MALT1: variants seen among roughly 807,000 people sequenced by gnomAD.
MALT1 encodes the protein MALT1 paracaspase, also known as mucosa-associated lymphoid tissue lymphoma translocation protein 1.
A neutral mutation model predicts 85.5 loss-of-function variants in MALT1; 36 were observed. That is an observed-to-expected ratio of 0.42 (90% confidence interval 0.32 to 0.56). The LOEUF (loss-of-function observed/expected upper bound fraction) is 0.56. MALT1 is among the 20% of genes least tolerant of loss of function. The pLI is 0.10. For missense variants in MALT1, 716 were observed against 981.6 expected (o/e 0.73, Z 3.62); for synonymous variants, 359 against 361.3 (o/e 0.99, Z 0.07).
At position 58,753,706 on chromosome 18, in the gene MALT1, T is replaced by C. The variant is rs1040490454; in HGVS notation, c.*5864T>C. 16 of 152,246 alleles carry C rather than the reference T, an allele frequency of 1.1e-4. No individual in the cohort carries two copies. Among genetic ancestry groups the C allele is most frequent in the African/African-American group, 3.4e-4 (14 of 41,464 alleles). The allele number at this position is 152,246 out of a possible 1,614,324, so 9.4% of individuals were successfully genotyped here. The stretch of plus-strand genomic sequence containing the variant: ...CTTGTTTACCTGTGTCTTGCAGATT[T>C]TACACAGTGAACAATGACTGTATAA... On this transcript the variant is annotated 3_prime_UTR_variant, in exon 17 of 17. Transcript: ENST00000649217.
rs368696986 is a variant in MALT1 at position 58,747,539 on chromosome 18, G to T, written c.2172G>T (p.Lys724Asn). The change falls in exon 17 of 17, where the codon AAG (lysine) becomes AAT (asparagine). Residue 724 changes from lysine to asparagine, a missense_variant. Transcript: ENST00000649217. ...KLDMHRGLGR[K>N]TCFQTCLMSN... ...ACATGCATCGAGGTTTGGGAAGGAA[G>T]ACTTGCTTTCAAACTTGTCTTATGT... The T allele has an allele frequency of 8.1e-6, 13 of 1,614,028 alleles. No individual in the cohort carries two copies. Among genetic ancestry groups the T allele is most frequent in the Non-Finnish European group, 1.1e-5 (13 of 1,180,024 alleles).
At chr18:58,706,667 A>G (rs773488677) in intron 4 of MALT1, among the ~76,000 whole-genome samples, 28 of 152,156 alleles carry the variant, frequency 1.8e-4, no homozygotes, top group Non-Finnish European at 2.8e-4. Flanking sequence ...TTTGTAGACA[A>G]ATTATCTCAG....
intron 5 of MALT1, 51 bp from the exon 6 acceptor site, chr18:58,709,925 A>G: frequency 8.6e-7 from 1 of 1,168,056 alleles, no homozygotes; most frequent in Non-Finnish European, 1.3e-6. Context: ...TTTTTTCTCC[A>G]AGCCATTAAA....
intron 10 of MALT1, among the ~76,000 whole-genome samples, chr18:58,733,193 G>A (rs1005033755): frequency 3.9e-5 from 6 of 152,186 alleles, no homozygotes; most frequent in Non-Finnish European, 8.8e-5. Flanking sequence ...TTATAGGTGT[G>A]AGCCGTCATG....
In MALT1 at chr18:58,748,393, A is replaced by AT. The variant is rs1325792977; in HGVS notation, c.*551_*552insT. 815 of 177,946 alleles carry AT rather than the reference A, an allele frequency of 4.6e-3. 4 individuals carry two copies. The highest frequency in any genetic ancestry group is 0.016 in the African/African-American group (680 of 42,460). 11.0% of individuals were successfully genotyped at this position (177,946 alleles called of 1,614,324 possible). ...AGTGAAATATATTTATATATATATA[A>AT]ATATATACAGATACATATCTGTGTA... On this transcript the variant is annotated 3_prime_UTR_variant, in exon 17 of 17. Coordinates refer to ENST00000649217, the MANE Select transcript of MALT1 (RefSeq NM_006785.4).
chr18:58,681,466 T>C (rs2054321324), intron 2 of MALT1, 130 bp downstream of exon 2: 1 of 790,080 alleles, frequency 1.3e-6, no homozygotes. Flanking sequence ...CTTGTTTGCT[T>C]TCCCAGGTTG....
intron 13 of MALT1, among the ~76,000 whole-genome samples, chr18:58,736,007 G>T (rs2055216548): frequency 6.6e-6 from 1 of 152,142 alleles, no homozygotes; most frequent in Admixed American, 6.5e-5. Context: ...AGGTAACTTG[G>T]CCAGGTATGG....
intron 1 of MALT1, among the ~76,000 whole-genome samples, chr18:58,679,212 C>T (rs1437209772): frequency 3.9e-5 from 6 of 152,154 alleles, no homozygotes; most frequent in African/African-American, 4.8e-5. Flanking sequence ...CACTACTGCA[C>T]ACAATAACAT....
At chr18:58,700,821 T>C (rs1015370110) in intron 4 of MALT1, among the ~76,000 whole-genome samples, 1 of 152,124 alleles carries the variant, frequency 6.6e-6, no homozygotes, top group East Asian at 1.9e-4. Context: ...CAAAGTCTTT[T>C]TGTTGCCCAG....
At chr18:58,681,549 A>G (rs2054322438) in intron 2 of MALT1, among the ~76,000 whole-genome samples, 1 of 152,238 alleles carries the variant, frequency 6.6e-6, no homozygotes, top group Non-Finnish European at 1.5e-5. Context: ...TTTTTGAGAT[A>G]GTTGGAAAAA....
At position 58,747,669 on chromosome 18, in the gene MALT1, C is replaced by T; in HGVS notation, c.2302C>T (p.Pro768Ser). 1 of 1,614,202 alleles carries T rather than the reference C, an allele frequency of 6.2e-7. No homozygotes were observed. The highest frequency in any genetic ancestry group is 1.7e-5 in the Admixed American group (1 of 60,012). The change falls in exon 17 of 17, where the codon CCA (proline) becomes TCA (serine). Residue 768 changes from proline to serine, a missense_variant. Physicochemically the swap from Pro to Ser is moderately conservative, Grantham distance 74 (BLOSUM62 -1). Coordinates refer to ENST00000649217, the MANE Select transcript of MALT1 (RefSeq NM_006785.4). The part of the protein sequence containing the change: ...HGVYHSHPGN[P>S]SNVTPADSCH... ...TGTTTACCATTCACATCCTGGTAAT[C>T]CAAGTAATGTTACACCAGCAGATAG...
chr18:58,686,806 C>T lies in MALT1; in HGVS notation c.376+5470C>T, dbSNP rs140377865. Among the ~76,000 whole-genome samples, 214 of 152,108 alleles carry T rather than the reference C, an allele frequency of 1.4e-3. 1 individual carries two copies. Among genetic ancestry groups the T allele is most frequent in the African/African-American group, 4.9e-3 (203 of 41,484 alleles). On this transcript the variant is annotated intron_variant, in intron 2 of 16. Coordinates refer to ENST00000649217, the MANE Select transcript of MALT1 (RefSeq NM_006785.4). ...TGTTATTCTTTAGTTTCTAAAATAC[C>T]TTTACTTCACATTTTATCTTCACAA...
rs535618540 is a variant in MALT1 at position 58,727,598 on chromosome 18, C to G, written c.1222+4347C>G. ...CCAGGCGTGAGCCACTGCACCCAGC[C>G]TGCCAAAGGTTTTTTGTGTTTTTTT... is the stretch of plus-strand genomic sequence containing the variant. On this transcript the variant is annotated intron_variant, in intron 10 of 16. Transcript: ENST00000649217. Among the ~76,000 whole-genome samples, 8 of 136,922 alleles carry G rather than the reference C, an allele frequency of 5.8e-5. No individual in the cohort carries two copies. The East Asian group carries it at 1.6e-3, about 28-fold the overall frequency. The allele number at this position is 136,922 out of a possible 152,430, so 89.8% of individuals were successfully genotyped here.
rs1025064622 is a variant in MALT1, at chr18:58,753,050, T to C, written c.*5208T>C. On this transcript the variant is annotated 3_prime_UTR_variant, in exon 17 of 17. Transcript: ENST00000649217. ...TGATGCTGTAACATCAAAGAGCTTATAATACTTTCCAGAGCTGGCAGTACT... is the reference window on the plus strand; with the variant it reads ...TGATGCTGTAACATCAAAGAGCTTACAATACTTTCCAGAGCTGGCAGTACT... 6.6e-6 allele frequency: 1 copy of C among 152,216 alleles called. No homozygotes were observed. The highest frequency in any genetic ancestry group is 1.5e-5 in the Non-Finnish European group (1 of 68,038). The allele number at this position is 152,216 out of a possible 1,614,324, so 9.4% of individuals were successfully genotyped here. A position where few individuals can be genotyped will look rare whatever the true frequency, so the allele number is the denominator to read the frequency against.
chr18:58,714,688 T>G (rs1299744904), intron 8 of MALT1, among the ~76,000 whole-genome samples: 12 of 152,194 alleles, frequency 7.9e-5, no homozygotes. Flanking sequence ...AACAGATTTC[T>G]AATAAGTTAA....
At chr18:58,729,148 G>A (rs1400364778) in intron 10 of MALT1, among the ~76,000 whole-genome samples, 1 of 152,164 alleles carries the variant, frequency 6.6e-6, no homozygotes, top group African/African-American at 2.4e-5. Context: ...GCTATGTGCT[G>A]AGAGAAATAA....
At chr18:58,689,124 C>T (rs756635102) in intron 2 of MALT1, among the ~76,000 whole-genome samples, 3 of 151,950 alleles carry the variant, frequency 2.0e-5, no homozygotes, top group Non-Finnish European at 4.4e-5. Context: ...TGCACTCCAG[C>T]CTGGGTGACA....
At chr18:58,719,596 AGT>A (rs2054955342) in intron 9 of MALT1, among the ~76,000 whole-genome samples, 1 of 152,206 alleles carries the variant, frequency 6.6e-6, no homozygotes, top group South Asian at 2.1e-4. Flanking sequence ...GCTCAAAGAA[AGT>A]CGTGATACAG....
rs555411428 is a variant in MALT1 at position 58,746,727 on chromosome 18, AG to A, written c.2038-676del. Among the ~76,000 whole-genome samples the A allele has an allele frequency of 3.9e-3, 570 of 146,022 alleles. 3 individuals are homozygous for A. Among genetic ancestry groups the A allele is most frequent in the Middle Eastern group, 0.019 (5 of 266 alleles). ...TTTTTTATAAAACTGGTATAAAACC[AG>A]GTTTTTTTTTTTGTTTTGAGATGGT... On this transcript the variant is annotated intron_variant, in intron 16 of 16. Coordinates refer to ENST00000649217, the MANE Select transcript of MALT1 (RefSeq NM_006785.4).
Sources: allele counts gnomAD v4.1 joint callset (sites outside exome capture counted in the v4.1 genomes callset), GRCh38; gene constraint gnomAD v4.1.1; transcripts MANE v1.5; gene names NCBI Gene and HGNC (gene_info 2026-07-23, HGNC 2026-07-21).